Variants in BCS1L observed in about 807,000 individuals in gnomAD.
The protein encoded by BCS1L is mitochondrial chaperone BCS1.
BCS1L carries 38 observed loss-of-function variants against 49.3 expected under a neutral mutation model. That is an observed-to-expected ratio of 0.77 (90% CI 0.59 to 1.01). The LOEUF (loss-of-function observed/expected upper bound fraction) is 1.01. BCS1L is among the 50% of genes least tolerant of loss of function. The pLI is 0.00. For missense variants in BCS1L, 394 were observed against 540.2 expected, an observed-to-expected ratio of 0.73 and a Z score of 2.68; for synonymous variants, 193 against 210.1, an observed-to-expected ratio of 0.92 and a Z score of 0.70.
In BCS1L at chr2:218,661,135, A is replaced by G. The variant is rs121908580; in HGVS notation, c.148A>G (p.Thr50Ala). ...LVAFRRHYMI[T>A]LEVPARDRSY... ...GGCATTCCGGCGCCATTACATGATC[A>G]CACTGGAAGTCCCTGCTCGAGACAG... The change falls in exon 2 of 8, where the codon ACA becomes GCA. Residue 50 changes from threonine to alanine, a missense_variant. By Grantham distance (58) the Thr-to-Ala change is moderately conservative (BLOSUM62 0). Coordinates refer to ENST00000359273, the MANE Select transcript of BCS1L (RefSeq NM_001079866.2). The surrounding 1 kb of genome is among the most constrained non-coding windows in gnomAD (Gnocchi z 5.9). 1 of 1,614,162 alleles carries G rather than the reference A, an allele frequency of 6.2e-7. No homozygotes were observed. The highest frequency in any genetic ancestry group is 8.5e-7 in the Non-Finnish European group (1 of 1,180,030).
Position 218,662,435 on chromosome 2 carries a change from C to A in BCS1L, c.720-75C>A. ...GGCCTCTGAGACACATGTCCCCAGG[C>A]GGTGAGGAGAGTAGCTGGGCCTGAG... On this transcript the variant is annotated intron_variant, in intron 5 of 7. Coordinates refer to ENST00000359273, the MANE Select transcript of BCS1L (RefSeq NM_001079866.2). This position sits in a 1 kb window ranked among gnomAD's most constrained non-coding sequence, Gnocchi z 5.8. The A allele has an allele frequency of 6.3e-7, 1 of 1,586,114 alleles. No individual in the cohort carries two copies. The highest frequency in any genetic ancestry group is 1.7e-5 in the Admixed American group (1 of 59,936).
In BCS1L at chr2:218,661,690, C is replaced by T; in HGVS notation, c.461-69C>T. The T allele has an allele frequency of 1.9e-6, 3 of 1,586,690 alleles. No homozygotes were observed. Among genetic ancestry groups the T allele is most frequent in the Non-Finnish European group, 2.6e-6 (3 of 1,164,552 alleles). On this transcript the variant is annotated intron_variant, in intron 3 of 7. Coordinates refer to ENST00000359273, the MANE Select transcript of BCS1L (RefSeq NM_001079866.2). The surrounding 1 kb of genome is among the most constrained non-coding windows in gnomAD (Gnocchi z 5.9). Reference sequence around the variant, plus strand: ...GCCAGAAGGAAGCTGTTTGGCACAGCTCCACCTAATTGAAGAATCAGCCAT... The same window carrying T: ...GCCAGAAGGAAGCTGTTTGGCACAGTTCCACCTAATTGAAGAATCAGCCAT...
In BCS1L at chr2:218,661,749, TC is replaced by T. The variant is rs1427414239; in HGVS notation, c.461-8del. 6 of 1,608,192 alleles carry T rather than the reference TC, an allele frequency of 3.7e-6. No individual in the cohort carries two copies. Among genetic ancestry groups the T allele is most frequent in the Non-Finnish European group, 5.1e-6 (6 of 1,175,626 alleles). ...GAATTATTGGCTTTATCTCATCTTC[TC>T]CTTCCCAGCTCGAGAGCTAGCCTTG... is the stretch of plus-strand genomic sequence containing the variant. On this transcript the variant is annotated splice_polypyrimidine_tract_variant and intron_variant, in intron 3 of 7. Coordinates refer to ENST00000359273, the MANE Select transcript of BCS1L (RefSeq NM_001079866.2). The surrounding 1 kb of genome is among the most constrained non-coding windows in gnomAD (Gnocchi z 5.9).
At position 218,662,979 on chromosome 2, in the gene BCS1L, T is replaced by C; in HGVS notation, c.986T>C (p.Met329Thr). The C allele has an allele frequency of 6.2e-7, 1 of 1,613,796 alleles. No individual in the cohort carries two copies. The highest frequency in any genetic ancestry group is 8.5e-7 in the Non-Finnish European group (1 of 1,179,964). The change falls in exon 7 of 8, where the codon ATG becomes ACG. Residue 329 changes from methionine (M) to threonine (T), a missense_variant. Met to Thr is a moderately conservative substitution (Grantham distance 81). Transcript: ENST00000359273. This position sits in a 1 kb window ranked among gnomAD's most constrained non-coding sequence, Gnocchi z 5.8. ...TCCACCGAGGCCCGCATCGTGTTCA[T>C]GACCACCAACCACGTTGACAGGTAG... is the stretch of plus-strand genomic sequence containing the variant. ...VASTEARIVF[M>T]TTNHVDRLDP...
In BCS1L at chr2:218,661,450, A is replaced by G; in HGVS notation, c.365A>G (p.Gln122Arg). 1 of 1,614,252 alleles carries G rather than the reference A, an allele frequency of 6.2e-7. No homozygotes were observed. The highest frequency in any genetic ancestry group is 8.5e-7 in the Non-Finnish European group (1 of 1,180,050). The part of the protein sequence containing the change: ...WIRVERSREM[Q>R]MIDLQTGTPW... ...CGGGTAGAACGAAGTCGAGAGATGC[A>G]GATGATAGACTTGCAGACGGGGACT... Residue 122 changes from glutamine to arginine, a missense_variant, in exon 3 of 8, where the codon CAG (glutamine) becomes CGG (arginine). Coordinates refer to ENST00000359273, the MANE Select transcript of BCS1L (RefSeq NM_001079866.2). This position sits in a 1 kb window ranked among gnomAD's most constrained non-coding sequence, Gnocchi z 5.9.
chr2:218,661,661 G>A lies in BCS1L; in HGVS notation c.461-98G>A. The A allele has an allele frequency of 6.3e-7, 1 of 1,577,770 alleles. No individual in the cohort carries two copies. Among genetic ancestry groups the A allele is most frequent in the Non-Finnish European group, 8.6e-7 (1 of 1,160,086 alleles). On this transcript the variant is annotated intron_variant, in intron 3 of 7. Transcript: ENST00000359273. The surrounding 1 kb of genome is among the most constrained non-coding windows in gnomAD (Gnocchi z 5.9). ...AGGCCGGGGTGAGCCCATGGGAACA[G>A]GGGGCCAGAAGGAAGCTGTTTGGCA...
Position 218,663,260 on chromosome 2 carries a change from G to C in BCS1L, c.1134G>C (p.Glu378Asp). The C allele has an allele frequency of 1.9e-6, 3 of 1,614,222 alleles. No individual in the cohort carries two copies. The highest frequency in any genetic ancestry group is 2.5e-6 in the Non-Finnish European group (3 of 1,180,030). ...FYPGQAPSLA[E>D]NFAEHVLRAT... is the part of the protein sequence containing the mutation. ...CAGGGCAGGCACCTTCCTTAGCTGA[G>C]AACTTTGCAGAACATGTCCTTCGAG... Residue 378 changes from glutamate to aspartate, a missense_variant, in exon 8 of 8, where the codon GAG becomes GAC. By Grantham distance (45) the Glu-to-Asp change is conservative. Coordinates refer to ENST00000359273, the MANE Select transcript of BCS1L (RefSeq NM_001079866.2).
In BCS1L at chr2:218,661,168, GC is replaced by G; in HGVS notation, c.183del (p.Trp62GlyfsTer54). The G allele has an allele frequency of 1.9e-6, 3 of 1,614,218 alleles. No homozygotes were observed. The highest frequency in any genetic ancestry group is 2.5e-6 in the Non-Finnish European group (3 of 1,180,040). On this transcript the variant is annotated frameshift_variant, in exon 2 of 8. Coordinates refer to ENST00000359273, the MANE Select transcript of BCS1L (RefSeq NM_001079866.2). LOFTEE classifies it high-confidence loss of function. This position sits in a 1 kb window ranked among gnomAD's most constrained non-coding sequence, Gnocchi z 5.9. ...LEVPARDRSY[A>X]WLLSWLTRHS... ...AGTCCCTGCTCGAGACAGGAGCTAT[GC>G]CTGGTTGCTTAGCTGGCTCACCCGC...
Position 218,661,101 on chromosome 2 carries a change from G to A in BCS1L, c.114G>A (p.Leu38=). ...CCCTGGCCCGGAAGGGTGTCCAACTGGGCCTGGTGGCATTCCGGCGCCATT... is the reference window on the plus strand; with the variant it reads ...CCCTGGCCCGGAAGGGTGTCCAACTAGGCCTGGTGGCATTCCGGCGCCATT... The part of the protein sequence containing the change: ...ALALARKGVQ[L]GLVAFRRHYM... The change falls in exon 2 of 8, where the codon CTG becomes CTA. Residue 38 remains leucine, a synonymous_variant. Coordinates refer to ENST00000359273, the MANE Select transcript of BCS1L (RefSeq NM_001079866.2). This position sits in a 1 kb window ranked among gnomAD's most constrained non-coding sequence, Gnocchi z 5.9. The A allele has an allele frequency of 6.2e-7, 1 of 1,614,196 alleles. No homozygotes were observed.
Position 218,663,296 on chromosome 2 carries a change from G to C in BCS1L, c.1170G>C (p.Gln390His), listed in dbSNP as rs769012252. 2.5e-6 allele frequency: 4 copies of C among 1,614,216 alleles called. No homozygotes were observed. Among genetic ancestry groups the C allele is most frequent in the East Asian group, 2.2e-5 (1 of 44,884 alleles). Residue 390 changes from glutamine to histidine, a missense_variant, in exon 8 of 8, where the codon CAG becomes CAC. Gln to His is a conservative substitution (Grantham distance 24). Coordinates refer to ENST00000359273, the MANE Select transcript of BCS1L (RefSeq NM_001079866.2). ...FAEHVLRATNQISPAQVQGYF... is the reference protein window; with the variant it reads ...FAEHVLRATNHISPAQVQGYF... The stretch of plus-strand genomic sequence containing the variant: ...AACATGTCCTTCGAGCTACAAACCA[G>C]ATCAGTCCTGCCCAGGTGCAGGGCT...
chr2:218,660,034 C>T (rs1203816409), intron 1 of BCS1L: 1 of 152,174 alleles, frequency 6.6e-6, no homozygotes, highest in African/African-American at 2.4e-5. Flanking sequence ...TCTTGTCCCT[C>T]AGGATCTTAT....
chr2:218,661,685 C>T lies in BCS1L; in HGVS notation c.461-74C>T. The T allele has an allele frequency of 6.3e-7, 1 of 1,580,908 alleles. No individual in the cohort carries two copies. The highest frequency in any genetic ancestry group is 8.6e-7 in the Non-Finnish European group (1 of 1,160,206). On this transcript the variant is annotated intron_variant, in intron 3 of 7. Coordinates refer to ENST00000359273, the MANE Select transcript of BCS1L (RefSeq NM_001079866.2). This position sits in a 1 kb window ranked among gnomAD's most constrained non-coding sequence, Gnocchi z 5.9. ...AGGGGGCCAGAAGGAAGCTGTTTGG[C>T]ACAGCTCCACCTAATTGAAGAATCA...
chr2:218,662,334 G>A lies in BCS1L; in HGVS notation c.719+74G>A, dbSNP rs2106328162. 4.6e-6 allele frequency: 7 copies of A among 1,533,346 alleles called. No homozygotes were observed. Among genetic ancestry groups the A allele is most frequent in the African/African-American group, 2.7e-5 (2 of 73,000 alleles). The allele number at this position is 1,533,346 out of a possible 1,614,324, so 95.0% of individuals were successfully genotyped here. ...AAACACTAGGCTGATAGGGTTGGAA[G>A]GGGAAATGAATCTGGGGATCGGGGA... On this transcript the variant is annotated intron_variant, in intron 5 of 7. Coordinates refer to ENST00000359273, the MANE Select transcript of BCS1L (RefSeq NM_001079866.2). The surrounding 1 kb of genome is among the most constrained non-coding windows in gnomAD (Gnocchi z 5.8).
chr2:218,661,618 T>G lies in BCS1L; in HGVS notation c.460+73T>G. ...GACATTTGACATCAGATGAGCAGTT[T>G]GGAGAAGTGGAATAAGCAGGCCGGG... On this transcript the variant is annotated intron_variant, in intron 3 of 7. Transcript: ENST00000359273. The surrounding 1 kb of genome is among the most constrained non-coding windows in gnomAD (Gnocchi z 5.9). 6.3e-7 allele frequency: 1 copy of G among 1,599,438 alleles called. No individual in the cohort carries two copies. Among genetic ancestry groups the G allele is most frequent in the Non-Finnish European group, 8.5e-7 (1 of 1,173,124 alleles).
chr2:218,662,498 C>A lies in BCS1L; in HGVS notation c.720-12C>A. 1 of 1,613,574 alleles carries A rather than the reference C, an allele frequency of 6.2e-7. No individual in the cohort carries two copies. The highest frequency in any genetic ancestry group is 1.1e-5 in the South Asian group (1 of 91,044). ...GGTTGCCTGCTACCTCCTGCCATCC[C>A]ATGCTCCATAGCACAGCCCTGGCTG... On this transcript the variant is annotated splice_polypyrimidine_tract_variant and intron_variant, in intron 5 of 7. Coordinates refer to ENST00000359273, the MANE Select transcript of BCS1L (RefSeq NM_001079866.2). This position sits in a 1 kb window ranked among gnomAD's most constrained non-coding sequence, Gnocchi z 5.8.
rs987394479 is a variant in BCS1L, at chr2:218,662,355, G to A, written c.719+95G>A. 17 of 1,501,400 alleles carry A rather than the reference G, an allele frequency of 1.1e-5. No individual in the cohort carries two copies. The highest frequency in any genetic ancestry group is 4.5e-5 in the South Asian group (4 of 88,600). 93.0% of individuals were successfully genotyped at this position (1,501,400 alleles called of 1,614,324 possible). ...GGAAGGGGAAATGAATCTGGGGATC[G>A]GGGACCAGGATAAACATGAAACGTG... is the stretch of plus-strand genomic sequence containing the variant. On this transcript the variant is annotated intron_variant, in intron 5 of 7. Transcript: ENST00000359273. This position sits in a 1 kb window ranked among gnomAD's most constrained non-coding sequence, Gnocchi z 5.8.
chr2:218,662,656 TCA>T lies in BCS1L; in HGVS notation c.867_868del (p.Asp292LeufsTer43). ...CTGGAGGATGTGGATGCTGCTTTTC[TCA>T]GTCGAGACTTGGCTGTGGAGAGTAA... On this transcript the variant is annotated frameshift_variant, in exon 6 of 8. Transcript: ENST00000359273. LOFTEE classifies it high-confidence loss of function. The surrounding 1 kb of genome is among the most constrained non-coding windows in gnomAD (Gnocchi z 5.8). 1 of 1,614,156 alleles carries T rather than the reference TCA, an allele frequency of 6.2e-7. No individual in the cohort carries two copies. Among genetic ancestry groups the T allele is most frequent in the South Asian group, 1.1e-5 (1 of 91,088 alleles).
In BCS1L at chr2:218,663,427, A is replaced by G; in HGVS notation, c.*41A>G. The G allele has an allele frequency of 1.2e-6, 2 of 1,612,184 alleles. No homozygotes were observed. Among genetic ancestry groups the G allele is most frequent in the Non-Finnish European group, 8.5e-7 (1 of 1,179,522 alleles). On this transcript the variant is annotated 3_prime_UTR_variant, in exon 8 of 8. Transcript: ENST00000359273. Reference sequence around the variant, plus strand: ...CTCAGCTCTCCTCCTCTAGCTCAATAAACATCTGCCACACTACTCTGCTCT... The same window carrying G: ...CTCAGCTCTCCTCCTCTAGCTCAATGAACATCTGCCACACTACTCTGCTCT...
chr2:218,660,641 C>T (rs1939262528), intron 1 of BCS1L: 3 of 279,524 alleles, frequency 1.1e-5, no homozygotes, highest in Non-Finnish European at 1.4e-5. Context: ...ATAGCTGGTC[C>T]CAGGGACCAC....
Sources: allele counts gnomAD v4.1 joint callset, GRCh38; gene constraint gnomAD v4.1.1; non-coding constraint Gnocchi (gnomAD v3.1); transcripts MANE v1.5; gene names NCBI Gene and HGNC (gene_info 2026-07-23, HGNC 2026-07-21).